PASK: variants seen among roughly 807,000 people sequenced by gnomAD.
The protein encoded by PASK is PAS domain-containing serine/threonine-protein kinase.
Under a neutral mutation model 121.0 loss-of-function variants are expected in PASK, and 110 were observed. The ratio of observed to expected loss-of-function variants is 0.91; its 90% CI spans 0.78 to 1.06. PASK has a LOEUF of 1.06. Among genes scored for constraint, PASK ranks in the 50% least tolerant of loss-of-function variants. PASK has a pLI of 0.00. For missense variants in PASK, 1,643 were observed against 1,702.3 expected (o/e 0.97, Z 0.61); for synonymous variants, 686 against 717.8 (o/e 0.96, Z 0.71).
rs1490604621 is a variant in PASK, at chr2:241,137,126, C to T, written c.1015G>A (p.Val339Ile). The T allele has an allele frequency of 6.2e-7, 1 of 1,613,870 alleles. No individual in the cohort carries two copies. The highest frequency in any genetic ancestry group is 2.2e-5 in the East Asian group (1 of 44,868). Residue 339 changes from valine to isoleucine, a missense_variant, in exon 7 of 18, where the codon GTC becomes ATC. By Grantham distance (29) the Val-to-Ile change is conservative. Around this residue, in one of 3 missense-constraint regions of PASK, gnomAD observed 1,176 missense variants for 1,162.2 expected, o/e 1.01. Coordinates refer to ENST00000234040, the MANE Select transcript of PASK (RefSeq NM_015148.4). ...AAPVSGYRASVWVFCTISGLI... is the reference protein window; with the variant it reads ...AAPVSGYRASIWVFCTISGLI... ...CCACTGATGGTGCAGAACACCCAGA[C>T]AGATGCCCGGTAGCCGCTCACAGGG... is the stretch of plus-strand genomic sequence containing the variant.
Position 241,126,305 on chromosome 2 carries a change from C to T in PASK, c.2610G>A (p.Gln870=), listed in dbSNP as rs376446271. 147 of 1,614,210 alleles carry T rather than the reference C, an allele frequency of 9.1e-5. No homozygotes were observed. The highest frequency in any genetic ancestry group is 5.0e-4 in the Admixed American group (30 of 60,024). ...TCACGATCACGGGCGTGGAGGTGAC[C>T]TGGACGTTCAGCCTTGGCTCCTCTG... ...PSAEEPRLNV[Q]VTSTPVIVMR... is the part of the protein sequence containing the mutation. Residue 870 remains glutamine (Q), a synonymous_variant, in exon 10 of 18, where the codon CAG becomes CAA. Transcript: ENST00000234040.
Position 241,137,918 on chromosome 2 carries a change from C to T in PASK, c.876+35G>A, listed in dbSNP as rs777968002. ...TATGGATTCAGAGCTAAGAACTCCA[C>T]CCCATCACACAGTGCGGGAGGTCAG... On this transcript the variant is annotated intron_variant, in intron 6 of 17. Coordinates refer to ENST00000234040, the MANE Select transcript of PASK (RefSeq NM_015148.4). The T allele has an allele frequency of 1.9e-6, 3 of 1,611,686 alleles. No individual in the cohort carries two copies. The Admixed American group carries it at 5.0e-5, about 27-fold the overall frequency.
chr2:241,140,067 C>G lies in PASK; in HGVS notation c.430-12G>C, dbSNP rs1416580540. The G allele has an allele frequency of 1.9e-6, 3 of 1,611,806 alleles. No individual in the cohort carries two copies. The highest frequency in any genetic ancestry group is 2.2e-5 in the South Asian group (2 of 90,852). ...TTAGCAACCAGGATCTGAGGAATCA[C>G]AAAGAGGAGCAAGGATGCAGACATC... On this transcript the variant is annotated splice_polypyrimidine_tract_variant and intron_variant, in intron 3 of 17. Coordinates refer to ENST00000234040, the MANE Select transcript of PASK (RefSeq NM_015148.4).
At chr2:241,118,866 C>T (rs1298283235) in intron 12 of PASK, 3 of 935,310 alleles carry the variant, frequency 3.2e-6, no homozygotes, top group African/African-American at 3.5e-5. Flanking sequence ...CATGATGGGG[C>T]ACTTCCCGCA....
chr2:241,111,824 G>T (rs539368168), intron 15 of PASK, among the ~76,000 whole-genome samples: 1 of 152,140 alleles, frequency 6.6e-6, no homozygotes, highest in Admixed American at 6.5e-5. Flanking sequence ...CCTCTGCCTC[G>T]GGACTTTCTC....
intron 1 of PASK, among the ~76,000 whole-genome samples, chr2:241,147,806 G>T (rs1027767649): frequency 2.6e-5 from 4 of 152,182 alleles, no homozygotes; most frequent in African/African-American, 4.8e-5. Flanking sequence ...AGTTGTGGAA[G>T]TTTAATTAGG....
intron 4 of PASK, chr2:241,139,479 G>C (rs1187489764): frequency 2.1e-6 from 1 of 477,186 alleles, no homozygotes; most frequent in African/African-American, 2.0e-5. Context: ...AATGCTTCCA[G>C]GCCAACACCC....
chr2:241,132,165 C>T (rs2066177094), intron 9 of PASK, among the ~76,000 whole-genome samples: 1 of 151,846 alleles, frequency 6.6e-6, no homozygotes, highest in South Asian at 2.1e-4. Context: ...TTCTACTTTT[C>T]CAAATGTTCC....
chr2:241,106,797 A>G (rs1391256927), intron 17 of PASK, 74 bp from the exon 18 acceptor site: 1 of 1,443,636 alleles, frequency 6.9e-7, no homozygotes, highest in African/African-American at 1.4e-5. Context: ...TCTCACTTGA[A>G]GAAGTCCTAG....
intron 8 of PASK, chr2:241,133,580 C>T: frequency 4.9e-6 from 1 of 204,102 alleles, no homozygotes; most frequent in Non-Finnish European, 1.0e-5. Flanking sequence ...ACCTGGCTCC[C>T]TCCAGTCCCC....
At chr2:241,107,247 G>C in intron 17 of PASK, 106 bp downstream of exon 17, 2 of 975,910 alleles carry the variant, frequency 2.0e-6, no homozygotes, top group Non-Finnish European at 3.3e-6. Flanking sequence ...AAGACAGCAT[G>C]GGGGAGAGAG....
At chr2:241,123,879 G>C in intron 11 of PASK, 70 bp downstream of exon 11, 1 of 1,265,502 alleles carries the variant, frequency 7.9e-7, no homozygotes, top group Non-Finnish European at 1.2e-6. Flanking sequence ...AACAGAGAGA[G>C]ATGCCAACTA....
chr2:241,132,845 A>C, intron 9 of PASK, 29 bp downstream of exon 9: 1 of 1,595,434 alleles, frequency 6.3e-7, no homozygotes, highest in Non-Finnish European at 8.6e-7. Flanking sequence ...ACTTTTAGTA[A>C]ACCTGCAACC....
chr2:241,150,193 C>T (rs796188271), upstream of PASK: 46 of 1,274,806 alleles, frequency 3.6e-5, no homozygotes, highest in African/African-American at 6.5e-4. Context: ...CCTAGACGTC[C>T]ACTCCGTCTG....
Position 241,140,762 on chromosome 2 carries a change from A to T in PASK, c.197-9T>A. On this transcript the variant is annotated splice_polypyrimidine_tract_variant and intron_variant, in intron 2 of 17. Transcript: ENST00000234040. Reference sequence around the variant, plus strand: ...GGAGCTCCATCTGTCTTCTGAAAAGAGAAGCGAAGCGAAGCTTTAGACTTC... The same window carrying T: ...GGAGCTCCATCTGTCTTCTGAAAAGTGAAGCGAAGCGAAGCTTTAGACTTC... 3.8e-6 allele frequency: 6 copies of T among 1,583,446 alleles called. No homozygotes were observed. The highest frequency in any genetic ancestry group is 5.2e-6 in the Non-Finnish European group (6 of 1,152,226).
At chr2:241,109,316 G>A (rs1013197902) in intron 15 of PASK, 2 of 152,566 alleles carry the variant, frequency 1.3e-5, no homozygotes, top group African/African-American at 4.8e-5. Context: ...TTGCTGCCAA[G>A]CACGCACCAG....
chr2:241,142,964 T>G lies in PASK; in HGVS notation c.69A>C (p.Pro23=). 1 of 1,613,846 alleles carries G rather than the reference T, an allele frequency of 6.2e-7. No homozygotes were observed. The highest frequency in any genetic ancestry group is 8.5e-7 in the Non-Finnish European group (1 of 1,179,816). Residue 23 remains proline (P), a synonymous_variant, in exon 2 of 18, where the codon CCA becomes CCC. Coordinates refer to ENST00000234040, the MANE Select transcript of PASK (RefSeq NM_015148.4). ...GTGCAGCTGGGCCCTCTGCTGACAC[T>G]GGCAAGGGGAGGCTCTGGGAAAGGC... is the stretch of plus-strand genomic sequence containing the variant. ...QRCLSQSLPL[P]VSAEGPAAQT... is the part of the protein sequence containing the mutation.
intron 9 of PASK, among the ~76,000 whole-genome samples, chr2:241,129,228 T>C (rs932385883): frequency 2.6e-5 from 4 of 152,144 alleles, no homozygotes; most frequent in East Asian, 1.9e-4. Flanking sequence ...TGGGGCACAG[T>C]CCAGACACAA....
chr2:241,140,400 T>C, intron 3 of PASK, 121 bp downstream of exon 3: 2 of 798,588 alleles, frequency 2.5e-6, no homozygotes, highest in Non-Finnish European at 2.2e-6. Flanking sequence ...TCAAGCAAAC[T>C]TCCCACCTCC....
Sources: allele counts gnomAD v4.1 joint callset (sites outside exome capture counted in the v4.1 genomes callset), GRCh38; gene constraint gnomAD v4.1.1; regional missense constraint gnomAD v4.1.1; transcripts MANE v1.5; gene names NCBI Gene and HGNC (gene_info 2026-07-23, HGNC 2026-07-21).